Variants in RPS6KC1 observed in about 807,000 individuals in gnomAD.
RPS6KC1 encodes the protein ribosomal protein S6 kinase C1, also known as inactive ribosomal protein S6 kinase delta-1.
A neutral mutation model predicts 103.8 loss-of-function variants in RPS6KC1; 54 were observed. The observed-to-expected ratio is 0.52, with a 90% CI of 0.42 to 0.65. The LOEUF (loss-of-function observed/expected upper bound fraction) is 0.65, where lower values mean the gene tolerates loss of function less well. Among genes scored for constraint, RPS6KC1 ranks in the 30% least tolerant of loss-of-function variants. The pLI, the probability that RPS6KC1 is intolerant of heterozygous loss-of-function variation, is 0.00. For synonymous variants in RPS6KC1, 439 were observed against 438.7 expected, an observed-to-expected ratio of 1.00 and a Z score of -0.01; for missense variants, 1,151 against 1,253.8, an observed-to-expected ratio of 0.92 and a Z score of 1.24.
chr1:213,113,483 C>T (rs1408095848), intron 4 of RPS6KC1, among the ~76,000 whole-genome samples: 21 of 150,052 alleles, frequency 1.4e-4, no homozygotes, highest in East Asian at 3.9e-4. Flanking sequence ...GAGTAGGTTG[C>T]GAAAATTTTC....
chr1:213,848,506 T>C, the RPS6KC1 span, among the ~76,000 whole-genome samples: 1 of 152,138 alleles, frequency 6.6e-6, no homozygotes, highest in Non-Finnish European at 1.5e-5. Flanking sequence ...ATATAGTATA[T>C]ATGTGTATGT....
the RPS6KC1 span, among the ~76,000 whole-genome samples, chr1:213,413,502 G>A: frequency 6.6e-6 from 1 of 152,148 alleles, no homozygotes; most frequent in Non-Finnish European, 1.5e-5. Context: ...TCTTATGAAG[G>A]CTGTGCTAGA....
rs1367322192 is a variant in RPS6KC1 at position 213,115,244 on chromosome 1, C to G, written c.379-2073C>G. On this transcript the variant is annotated intron_variant, in intron 4 of 14. Coordinates refer to ENST00000366960, the MANE Select transcript of RPS6KC1 (RefSeq NM_012424.6). ...CACAATTTCAGATCCTGTTATTGGT[C>G]TATTCAGAGATTCAACTTCTTCCTG... Among the ~76,000 whole-genome samples, 18 of 152,026 alleles carry G rather than the reference C, an allele frequency of 1.2e-4. No individual in the cohort carries two copies. In the East Asian group the frequency reaches 2.9e-3, roughly 24 times the overall value.
chr1:213,861,462 G>T, the RPS6KC1 span, among the ~76,000 whole-genome samples: 1 of 152,156 alleles, frequency 6.6e-6, no homozygotes, highest in Non-Finnish European at 1.5e-5. Context: ...TAAAAATGTT[G>T]CAGGGCAAGG....
Position 213,073,707 on chromosome 1 carries a change from G to A in RPS6KC1, c.141+2666G>A, listed in dbSNP as rs576922196. Among the ~76,000 whole-genome samples the A allele has an allele frequency of 4.3e-4, 65 of 151,624 alleles. 1 individual carries two copies. Among genetic ancestry groups the A allele is most frequent in the African/African-American group, 1.5e-3 (60 of 41,334 alleles). On this transcript the variant is annotated intron_variant, in intron 2 of 14. Coordinates refer to ENST00000366960, the MANE Select transcript of RPS6KC1 (RefSeq NM_012424.6). The stretch of plus-strand genomic sequence containing the variant: ...TATTTATTTCTTGAGATGGAGTCTC[G>A]CTCTGTCACCCAGACTGGAGTGCAG...
chr1:213,376,371 C>T, the RPS6KC1 span, among the ~76,000 whole-genome samples: 2 of 151,798 alleles, frequency 1.3e-5, no homozygotes, highest in Non-Finnish European at 2.9e-5. Flanking sequence ...AGCAAATTCC[C>T]AGTTGTTAGA....
chr1:213,180,060 C>G (rs761620528), intron 8 of RPS6KC1, among the ~76,000 whole-genome samples: 1 of 152,108 alleles, frequency 6.6e-6, no homozygotes, highest in Non-Finnish European at 1.5e-5. Context: ...AAGTAAATGA[C>G]TTTCTGTTCT....
At chr1:213,308,800 G>C in the RPS6KC1 span, among the ~76,000 whole-genome samples, 2 of 152,146 alleles carry the variant, frequency 1.3e-5, no homozygotes, top group Non-Finnish European at 2.9e-5. Flanking sequence ...TACATCTTTG[G>C]CTCTCAGATA....
the RPS6KC1 span, among the ~76,000 whole-genome samples, chr1:213,613,510 C>G: frequency 6.6e-4 from 101 of 152,304 alleles, 2 homozygotes; most frequent in Middle Eastern, 0.024. Flanking sequence ...CAGACTCTAG[C>G]CTCTTGTCTA....
At chr1:213,238,400 G>A (rs2094276494) in intron 10 of RPS6KC1, among the ~76,000 whole-genome samples, 1 of 152,158 alleles carries the variant, frequency 6.6e-6, no homozygotes, top group South Asian at 2.1e-4. Context: ...ACCAAATCAT[G>A]GGTTGATAAC....
chr1:213,089,723 A>G (rs1284298180), intron 3 of RPS6KC1, among the ~76,000 whole-genome samples: 4 of 152,024 alleles, frequency 2.6e-5, no homozygotes, highest in Non-Finnish European at 5.9e-5. Context: ...CAGCCTCCCA[A>G]AGTGCTGGGA....
chr1:213,245,289 C>T (rs954515684), intron 12 of RPS6KC1, among the ~76,000 whole-genome samples: 1 of 152,116 alleles, frequency 6.6e-6, no homozygotes, highest in South Asian at 2.1e-4. Context: ...AAATCAGTAA[C>T]TACATGGGTC....
At chr1:213,615,161 A>G in the RPS6KC1 span, among the ~76,000 whole-genome samples, 4 of 152,184 alleles carry the variant, frequency 2.6e-5, no homozygotes, top group African/African-American at 9.7e-5. Context: ...CATTCTGTTG[A>G]CAGGTCACAG....
chr1:213,463,772 C>A, the RPS6KC1 span, among the ~76,000 whole-genome samples: 3 of 152,144 alleles, frequency 2.0e-5, no homozygotes, highest in Admixed American at 6.5e-5. Flanking sequence ...TGAATTCAAT[C>A]ACTCTGGCAA....
At chr1:213,234,942 G>A (rs751319917) in intron 10 of RPS6KC1, among the ~76,000 whole-genome samples, 1 of 152,140 alleles carries the variant, frequency 6.6e-6, no homozygotes, top group Non-Finnish European at 1.5e-5. Context: ...ATTAGGAAGA[G>A]GAAAATCTAC....
chr1:213,460,661 T>C, the RPS6KC1 span, among the ~76,000 whole-genome samples: 141 of 152,320 alleles, frequency 9.3e-4, no homozygotes, highest in Admixed American at 1.6e-3. Flanking sequence ...GCCCATTAGT[T>C]GATGCAGTTT....
the RPS6KC1 span, among the ~76,000 whole-genome samples, chr1:213,764,750 C>T: frequency 6.6e-6 from 1 of 152,294 alleles, no homozygotes; most frequent in South Asian, 2.1e-4. Flanking sequence ...AGGTCATATC[C>T]TGGAGCAAGC....
intron 14 of RPS6KC1, among the ~76,000 whole-genome samples, chr1:213,267,775 C>T (rs2094945975): frequency 6.6e-6 from 1 of 151,552 alleles, no homozygotes; most frequent in South Asian, 2.1e-4. Flanking sequence ...AATACAATGA[C>T]TGACATGAAA....
chr1:213,375,971 G>C, the RPS6KC1 span, among the ~76,000 whole-genome samples: 1 of 152,156 alleles, frequency 6.6e-6, no homozygotes, highest in Non-Finnish European at 1.5e-5. Context: ...TCCAATTCCA[G>C]AATTACTGGG....
Sources: allele counts gnomAD v4.1 joint callset (sites outside exome capture counted in the v4.1 genomes callset), GRCh38; gene constraint gnomAD v4.1.1; transcripts MANE v1.5; gene names NCBI Gene and HGNC (gene_info 2026-07-23, HGNC 2026-07-21).